The following DCP2 variants were observed in gnomAD, a reference collection of about 807,000 sequenced individuals.
DCP2 encodes the protein decapping mRNA 2, also known as m7GpppN-mRNA hydrolase.
DCP2 carries 30 observed loss-of-function variants against 56.1 expected under a neutral mutation model. The ratio of observed to expected loss-of-function variants is 0.53; its 90% CI spans 0.40 to 0.73. DCP2 has a LOEUF of 0.73. Among genes scored for constraint, DCP2 ranks in the 30% least tolerant of loss-of-function variants. The pLI is 0.00. For synonymous variants in DCP2, 197 were observed against 163.3 expected, an observed-to-expected ratio of 1.21 and a Z score of -1.57; for missense variants, 533 against 502.7, an observed-to-expected ratio of 1.06 and a Z score of -0.58.
At chr5:112,987,461 G>A (rs572186796) in intron 2 of DCP2, among the ~76,000 whole-genome samples, 1 of 151,776 alleles carries the variant, frequency 6.6e-6, no homozygotes, top group South Asian at 2.1e-4. Flanking sequence ...CCCCCCGCCC[G>A]CCCGACAAAC....
At chr5:112,981,887 C>G (rs1437366096) in intron 1 of DCP2, among the ~76,000 whole-genome samples, 1 of 152,166 alleles carries the variant, frequency 6.6e-6, no homozygotes, top group African/African-American at 2.4e-5. Flanking sequence ...TCTCCTGCCT[C>G]ATCCTCCCGA....
At chr5:112,986,233 TC>T (rs1274686109) in intron 2 of DCP2, among the ~76,000 whole-genome samples, 2 of 152,186 alleles carry the variant, frequency 1.3e-5, no homozygotes, top group African/African-American at 4.8e-5. Context: ...TTTATTTTTT[TC>T]CCATGCATAG....
chr5:113,013,568 G>T lies in DCP2; in HGVS notation c.*84G>T. On this transcript the variant is annotated 3_prime_UTR_variant, in exon 11 of 11. Transcript: ENST00000389063. ...GTCTCCTCAAGCCTTACCTTTCTCAGGTGTTTTAAAGAAATGCAGGGAGGC... is the reference window on the plus strand; with the variant it reads ...GTCTCCTCAAGCCTTACCTTTCTCATGTGTTTTAAAGAAATGCAGGGAGGC... 1 of 1,502,426 alleles carries T rather than the reference G, an allele frequency of 6.7e-7. No homozygotes were observed. Among genetic ancestry groups the T allele is most frequent in the Non-Finnish European group, 9.0e-7 (1 of 1,111,118 alleles). 93.1% of individuals were successfully genotyped at this position (1,502,426 alleles called of 1,614,324 possible).
At chr5:113,012,689 A>G (rs939972715) in intron 10 of DCP2, among the ~76,000 whole-genome samples, 3 of 151,924 alleles carry the variant, frequency 2.0e-5, no homozygotes, top group African/African-American at 2.4e-5. Context: ...TGTCACCCAG[A>G]CTGGAGTGCA....
At chr5:112,978,972 T>A (rs1747863111) in intron 1 of DCP2, among the ~76,000 whole-genome samples, 1 of 152,196 alleles carries the variant, frequency 6.6e-6, no homozygotes, top group African/African-American at 2.4e-5. Flanking sequence ...GGGGTTAATT[T>A]GCATATTATC....
chr5:113,006,494 C>T (rs1046729850), intron 8 of DCP2, among the ~76,000 whole-genome samples: 6 of 152,264 alleles, frequency 3.9e-5, no homozygotes, highest in East Asian at 1.9e-4. Flanking sequence ...ATTAAAACTG[C>T]GTAGTAACAT....
In DCP2 at chr5:113,018,660, G is replaced by A. The variant is rs1473051627; in HGVS notation, c.*5176G>A. On this transcript the variant is annotated 3_prime_UTR_variant, in exon 11 of 11. Coordinates refer to ENST00000389063, the MANE Select transcript of DCP2 (RefSeq NM_152624.6). ...GAAGGTTTCCTGCAGGTGGTTGGGT[G>A]GTTTTTGGGTTATTGGCTACTGTTC... The A allele has an allele frequency of 6.6e-6, 1 of 152,140 alleles. No homozygotes were observed. Among genetic ancestry groups the A allele is most frequent in the Non-Finnish European group, 1.5e-5 (1 of 68,038 alleles). 9.4% of individuals were successfully genotyped at this position (152,140 alleles called of 1,614,324 possible).
rs1344203039 is a variant in DCP2, at chr5:113,014,636, A to G, written c.*1152A>G. The G allele has an allele frequency of 6.6e-6, 1 of 152,604 alleles. No individual in the cohort carries two copies. The highest frequency in any genetic ancestry group is 1.5e-5 in the Non-Finnish European group (1 of 68,026). The allele number at this position is 152,604 out of a possible 1,614,324, so 9.5% of individuals were successfully genotyped here. On this transcript the variant is annotated 3_prime_UTR_variant, in exon 11 of 11. Coordinates refer to ENST00000389063, the MANE Select transcript of DCP2 (RefSeq NM_152624.6). The stretch of plus-strand genomic sequence containing the variant: ...AATTCAAATAAGGATGGCAGTGCCC[A>G]TTTTAAGGAGGATTTCAGCTATAAC...
chr5:112,997,872 C>T (rs1381185602), intron 4 of DCP2, among the ~76,000 whole-genome samples: 1 of 152,134 alleles, frequency 6.6e-6, no homozygotes, highest in Non-Finnish European at 1.5e-5. Flanking sequence ...CTTGGCCTCC[C>T]AAAGTGCTGG....
chr5:112,991,772 G>A (rs1472988292), intron 2 of DCP2, among the ~76,000 whole-genome samples: 5 of 152,048 alleles, frequency 3.3e-5, no homozygotes, highest in Admixed American at 6.6e-5. Context: ...CTCACTTAAC[G>A]AGAAATGTTC....
rs1401541888 is a variant in DCP2 at position 113,014,988 on chromosome 5, A to C, written c.*1504A>C. ...TTAAATGGCTTGATTTTAAAGGAGAAATTCTATTTATTAATGAAAGTGTCA... is the reference window on the plus strand; with the variant it reads ...TTAAATGGCTTGATTTTAAAGGAGACATTCTATTTATTAATGAAAGTGTCA... On this transcript the variant is annotated 3_prime_UTR_variant, in exon 11 of 11. Coordinates refer to ENST00000389063, the MANE Select transcript of DCP2 (RefSeq NM_152624.6). 4 of 152,624 alleles carry C rather than the reference A, an allele frequency of 2.6e-5. No homozygotes were observed. Among genetic ancestry groups the C allele is most frequent in the African/African-American group, 9.7e-5 (4 of 41,434 alleles). The allele number at this position is 152,624 out of a possible 1,614,324, so 9.5% of individuals were successfully genotyped here. A position where few individuals can be genotyped will look rare whatever the true frequency, so the allele number is the denominator to read the frequency against.
chr5:113,007,124 C>G (rs573274189), intron 8 of DCP2, among the ~76,000 whole-genome samples: 7 of 150,580 alleles, frequency 4.6e-5, no homozygotes, highest in Non-Finnish European at 7.4e-5. Flanking sequence ...AAGTGAGACT[C>G]CATTTAAAAA....
intron 4 of DCP2, among the ~76,000 whole-genome samples, chr5:112,996,404 G>T (rs191567676): frequency 4.3e-4 from 66 of 152,156 alleles, no homozygotes; most frequent in Admixed American, 4.1e-3. Context: ...GATGTTTTGA[G>T]CACTTTTTTT....
intron 4 of DCP2, among the ~76,000 whole-genome samples, chr5:113,000,559 A>T (rs1749129844): frequency 6.6e-6 from 1 of 152,208 alleles, no homozygotes; most frequent in Admixed American, 6.5e-5. Context: ...AGCCATCGAG[A>T]TTAATTTATT....
intron 2 of DCP2, among the ~76,000 whole-genome samples, chr5:112,990,579 AAT>A (rs1177208170): frequency 6.6e-6 from 1 of 152,026 alleles, no homozygotes; most frequent in Non-Finnish European, 1.5e-5. Context: ...GGCATGCACT[AAT>A]TATATTGAGA....
intron 2 of DCP2, among the ~76,000 whole-genome samples, chr5:112,987,453 C>A (rs990533885): frequency 2.0e-5 from 3 of 151,780 alleles, no homozygotes; most frequent in Admixed American, 6.6e-5. Flanking sequence ...TTTTTATTCC[C>A]CCCGCCCGCC....
intron 8 of DCP2, among the ~76,000 whole-genome samples, chr5:113,007,395 TCTTTC>T (rs1749489142): frequency 6.7e-6 from 1 of 149,028 alleles, no homozygotes; most frequent in Non-Finnish European, 1.5e-5. Flanking sequence ...TTTCTTTCTT[TCTTTC>T]TTTTTTTTTT....
intron 2 of DCP2, among the ~76,000 whole-genome samples, chr5:112,986,440 A>G (rs1561686801): frequency 2.0e-5 from 3 of 151,518 alleles, no homozygotes; most frequent in East Asian, 1.9e-4. Context: ...TGCTTAAGCA[A>G]TCCTCCTCCC....
intron 8 of DCP2, among the ~76,000 whole-genome samples, chr5:113,005,014 A>C (rs1165355435): frequency 6.6e-6 from 1 of 151,812 alleles, no homozygotes; most frequent in Non-Finnish European, 1.5e-5. Flanking sequence ...AATCCCAGCT[A>C]CTCTAGATAG....
Sources: allele counts gnomAD v4.1 joint callset (sites outside exome capture counted in the v4.1 genomes callset), GRCh38; gene constraint gnomAD v4.1.1; transcripts MANE v1.5; gene names NCBI Gene and HGNC (gene_info 2026-07-23, HGNC 2026-07-21).